The following MOB3B variants were observed in gnomAD, a reference collection of about 807,000 sequenced individuals.
MOB3B encodes MOB kinase activator-like 2B.
In MOB3B, 7 loss-of-function variants were observed where a neutral mutation model predicts 18.7. That is an observed-to-expected ratio of 0.37 (90% CI 0.21 to 0.70). The LOEUF (loss-of-function observed/expected upper bound fraction) is 0.70. Ranked by LOEUF, MOB3B falls within the 30% of genes least tolerant of loss-of-function variation. The probability of loss-of-function intolerance (pLI) is 0.52; values close to 1 mark genes in which losing one functional copy is unlikely to be tolerated. For synonymous variants in MOB3B, 111 were observed against 99.9 expected (o/e 1.11, Z -0.66); for missense variants, 253 against 281.3 (o/e 0.90, Z 0.72).
chr9:27,374,079 C>T (rs1821458502), intron 2 of MOB3B, among the ~76,000 whole-genome samples: 1 of 152,208 alleles, frequency 6.6e-6, no homozygotes, highest in African/African-American at 2.4e-5. Flanking sequence ...GTTTTCTGTA[C>T]TTTGCTTTTT....
chr9:27,342,162 T>C (rs1820951829), intron 3 of MOB3B, among the ~76,000 whole-genome samples: 1 of 152,124 alleles, frequency 6.6e-6, no homozygotes, highest in South Asian at 2.1e-4. Context: ...TGGGGGTCTT[T>C]TCAGAAAAGC....
At chr9:27,524,844 G>C (rs1346768113) in intron 1 of MOB3B, 1 of 1,614,106 alleles carries the variant, frequency 6.2e-7, no homozygotes, top group Admixed American at 1.7e-5. Context: ...CCACAGGATA[G>C]ACAATTTCCT....
intron 1 of MOB3B, chr9:27,524,681 A>G (rs182527016): frequency 1.2e-6 from 2 of 1,614,090 alleles, no homozygotes; most frequent in South Asian, 2.2e-5. Flanking sequence ...AACAAATCCA[A>G]ATAGGACTTG....
intron 2 of MOB3B, among the ~76,000 whole-genome samples, chr9:27,381,040 C>CT (rs1821570783): frequency 6.6e-6 from 1 of 152,120 alleles, no homozygotes; most frequent in Non-Finnish European, 1.5e-5. Flanking sequence ...CTTGTTTAAC[C>CT]TCTCTAGGTT....
chr9:27,424,635 G>A (rs1822300651), intron 2 of MOB3B, among the ~76,000 whole-genome samples: 1 of 152,136 alleles, frequency 6.6e-6, no homozygotes, highest in Admixed American at 6.5e-5. Context: ...CATGACTTCT[G>A]CCCAATCCAG....
intron 2 of MOB3B, among the ~76,000 whole-genome samples, chr9:27,449,358 ATAAC>A (rs1173446713): frequency 1.3e-5 from 2 of 152,212 alleles, no homozygotes; most frequent in Admixed American, 6.5e-5. Flanking sequence ...TGAGAGAGAG[ATAAC>A]TAACATGTAT....
At chr9:27,338,196 T>C (rs1409151094) in intron 3 of MOB3B, among the ~76,000 whole-genome samples, 3 of 152,262 alleles carry the variant, frequency 2.0e-5, no homozygotes, top group Non-Finnish European at 4.4e-5. Context: ...TACACCTTGC[T>C]TCTGTTTATC....
intron 2 of MOB3B, among the ~76,000 whole-genome samples, chr9:27,409,449 T>C (rs1822032702): frequency 6.6e-6 from 1 of 152,206 alleles, no homozygotes; most frequent in South Asian, 2.1e-4. Flanking sequence ...TTGGCAAAGA[T>C]GTGGGAAGTC....
intron 3 of MOB3B, among the ~76,000 whole-genome samples, chr9:27,336,511 A>G (rs1820865184): frequency 1.3e-5 from 2 of 152,172 alleles, no homozygotes; most frequent in South Asian, 4.1e-4. Flanking sequence ...GGTAAGGAGC[A>G]GGAGGACCCT....
intron 1 of MOB3B, 136 bp from the exon 2 acceptor site, chr9:27,455,884 C>A (rs1822861701): frequency 2.5e-6 from 2 of 807,946 alleles, no homozygotes; most frequent in South Asian, 4.4e-5. Context: ...GGGGGTTAAG[C>A]CACTGCCCTG....
At chr9:27,503,148 G>A (rs1820012897) in intron 1 of MOB3B, among the ~76,000 whole-genome samples, 1 of 152,248 alleles carries the variant, frequency 6.6e-6, no homozygotes, top group South Asian at 2.1e-4. Flanking sequence ...TAGACTGGAG[G>A]AAGAACATGA....
intron 1 of MOB3B, among the ~76,000 whole-genome samples, chr9:27,503,920 C>A (rs1820023586): frequency 6.6e-6 from 1 of 152,210 alleles, no homozygotes; most frequent in Non-Finnish European, 1.5e-5. Context: ...TCAGGCTGTC[C>A]CGGCTCCAGA....
At chr9:27,469,473 C>T (rs557116398) in intron 1 of MOB3B, among the ~76,000 whole-genome samples, 55 of 152,244 alleles carry the variant, frequency 3.6e-4, no homozygotes, top group Admixed American at 6.5e-4. Flanking sequence ...CATTAATTTT[C>T]CTCGAACTTT....
chr9:27,372,063 G>A (rs923771416), intron 2 of MOB3B, among the ~76,000 whole-genome samples: 5 of 152,134 alleles, frequency 3.3e-5, no homozygotes, highest in African/African-American at 1.2e-4. Context: ...TGAAACACAT[G>A]GATCTTGGTT....
chr9:27,368,271 C>T (rs1821365681), intron 2 of MOB3B, among the ~76,000 whole-genome samples: 1 of 151,958 alleles, frequency 6.6e-6, no homozygotes, highest in South Asian at 2.1e-4. Flanking sequence ...TATTCTCTTG[C>T]CCCTTCATCC....
At chr9:27,477,029 A>T (rs1819563476) in intron 1 of MOB3B, among the ~76,000 whole-genome samples, 1 of 152,236 alleles carries the variant, frequency 6.6e-6, no homozygotes, top group East Asian at 1.9e-4. Flanking sequence ...GACCTGCATC[A>T]CAATCAGAGG....
chr9:27,499,950 C>T (rs1432866138), intron 1 of MOB3B, among the ~76,000 whole-genome samples: 1 of 152,118 alleles, frequency 6.6e-6, no homozygotes, highest in African/African-American at 2.4e-5. Context: ...TATGAATTTT[C>T]CATCTACAAT....
At chr9:27,397,061 G>C (rs898490693) in intron 2 of MOB3B, 2 of 152,124 alleles carry the variant, frequency 1.3e-5, no homozygotes, top group Non-Finnish European at 2.9e-5. Flanking sequence ...AATTTTCTTT[G>C]TGTAGTGGAA....
At chr9:27,523,701 C>T (rs181705107) in intron 1 of MOB3B, among the ~76,000 whole-genome samples, 5 of 152,186 alleles carry the variant, frequency 3.3e-5, no homozygotes, top group Non-Finnish European at 5.9e-5. Flanking sequence ...TAGTAAGTGC[C>T]AGCTCTATTC....
Sources: allele counts gnomAD v4.1 joint callset (sites outside exome capture counted in the v4.1 genomes callset), GRCh38; gene constraint gnomAD v4.1.1; transcripts MANE v1.5; gene names NCBI Gene and HGNC (gene_info 2026-07-23, HGNC 2026-07-21).